Variants in ZMIZ1 observed in about 807,000 individuals in gnomAD.
ZMIZ1 encodes zinc finger MIZ-type containing 1.
A neutral mutation model predicts 113.9 loss-of-function variants in ZMIZ1; 17 were observed. The observed-to-expected ratio is 0.15, with a 90% confidence interval of 0.10 to 0.22. The LOEUF is 0.22. Ranked by LOEUF, ZMIZ1 falls within the 10% of genes least tolerant of loss-of-function variation. The pLI is 1.00. For synonymous variants in ZMIZ1, 607 were observed against 603.1 expected (o/e 1.01, Z -0.09); for missense variants, 1,059 against 1,477.8 (o/e 0.72, Z 4.65).
intron 7 of ZMIZ1, among the ~76,000 whole-genome samples, chr10:79,240,636 AT>A (rs1849783941): frequency 5.1e-5 from 4 of 78,528 alleles, no homozygotes; most frequent in Admixed American, 4.0e-4. Context: ...AAGAGTATTT[AT>A]CTTTTTTTTT....
chr10:79,181,131 C>T (rs558543924), intron 4 of ZMIZ1, among the ~76,000 whole-genome samples: 6 of 152,194 alleles, frequency 3.9e-5, no homozygotes, highest in Non-Finnish European at 5.9e-5. Flanking sequence ...TGTGGCCCTG[C>T]GTCCTGAGTC....
intron 4 of ZMIZ1, among the ~76,000 whole-genome samples, chr10:79,170,408 G>A (rs1332174859): frequency 6.6e-6 from 1 of 152,226 alleles, no homozygotes; most frequent in Non-Finnish European, 1.5e-5. Flanking sequence ...TAGCCACAGA[G>A]CATTTGGCTC....
At chr10:79,230,297 T>TCTGC (rs905264410) in intron 7 of ZMIZ1, among the ~76,000 whole-genome samples, 6 of 152,088 alleles carry the variant, frequency 3.9e-5, no homozygotes, top group African/African-American at 1.4e-4. Flanking sequence ...GCTGCTCGGC[T>TCTGC]CTGCCAGGGT....
At chr10:79,172,050 G>A (rs936414869) in intron 4 of ZMIZ1, among the ~76,000 whole-genome samples, 3 of 152,166 alleles carry the variant, frequency 2.0e-5, no homozygotes, top group Non-Finnish European at 4.4e-5. Flanking sequence ...CAGAGCAACC[G>A]AGAGCTCAGG....
intron 3 of ZMIZ1, among the ~76,000 whole-genome samples, chr10:79,154,542 C>A (rs1437049488): frequency 2.6e-5 from 4 of 152,194 alleles, no homozygotes; most frequent in Non-Finnish European, 1.5e-5. Context: ...TGCCGGGGGA[C>A]CTGGTCTGGC....
intron 3 of ZMIZ1, among the ~76,000 whole-genome samples, chr10:79,161,134 C>T (rs1425297786): frequency 1.3e-5 from 2 of 152,222 alleles, no homozygotes; most frequent in East Asian, 3.8e-4. Flanking sequence ...TGTGCCCACA[C>T]TCCCAGTGCA....
At chr10:79,205,294 C>T (rs1205587908) in intron 5 of ZMIZ1, among the ~76,000 whole-genome samples, 2 of 152,208 alleles carry the variant, frequency 1.3e-5, no homozygotes, top group Non-Finnish European at 2.9e-5. Flanking sequence ...CAAGCTCACC[C>T]CTGCCCTGCC....
chr10:79,253,212 A>G (rs958680465), intron 7 of ZMIZ1, among the ~76,000 whole-genome samples: 1 of 152,216 alleles, frequency 6.6e-6, no homozygotes, highest in African/African-American at 2.4e-5. Flanking sequence ...TGGGTTTTGC[A>G]TCTTTGTGCA....
chr10:79,159,112 G>A (rs1384132814), intron 3 of ZMIZ1, among the ~76,000 whole-genome samples: 1 of 152,236 alleles, frequency 6.6e-6, no homozygotes, highest in Non-Finnish European at 1.5e-5. Flanking sequence ...GGGAGATTGG[G>A]TGGGCTTCCA....
intron 1 of ZMIZ1, among the ~76,000 whole-genome samples, chr10:79,088,849 A>T (rs891922647): frequency 2.6e-5 from 4 of 152,178 alleles, no homozygotes; most frequent in Non-Finnish European, 5.9e-5. Flanking sequence ...CCTTGGGAAC[A>T]TCCTTCCTGC....
intron 2 of ZMIZ1, among the ~76,000 whole-genome samples, chr10:79,119,724 G>T (rs79505960): frequency 0.024 from 3,649 of 152,260 alleles, 135 homozygotes; most frequent in African/African-American, 0.075. Context: ...CAGGTGACAG[G>T]CTCCTGGTGG....
intron 7 of ZMIZ1, among the ~76,000 whole-genome samples, chr10:79,276,601 GGT>G (rs951927376): frequency 3.3e-5 from 5 of 152,086 alleles, no homozygotes; most frequent in Non-Finnish European, 7.4e-5. Flanking sequence ...GTGACCAGAA[GGT>G]GTGTGCTAGG....
intron 4 of ZMIZ1, among the ~76,000 whole-genome samples, chr10:79,180,583 C>T (rs568046415): frequency 2.0e-5 from 3 of 152,322 alleles, no homozygotes; most frequent in East Asian, 1.9e-4. Flanking sequence ...TGGGCTGCAC[C>T]CCTTCCTCCT....
intron 7 of ZMIZ1, among the ~76,000 whole-genome samples, chr10:79,261,143 C>G (rs760891340): frequency 6.6e-6 from 1 of 152,240 alleles, no homozygotes; most frequent in African/African-American, 2.4e-5. Flanking sequence ...TCCAGACCCC[C>G]AGGCTGAGCG....
At chr10:79,241,008 G>A (rs1849809276) in intron 7 of ZMIZ1, among the ~76,000 whole-genome samples, 1 of 152,272 alleles carries the variant, frequency 6.6e-6, no homozygotes, top group South Asian at 2.1e-4. Context: ...GTCTTTGGTG[G>A]CTCAGAAAGC....
chr10:79,200,425 G>A (rs74974120), intron 4 of ZMIZ1, among the ~76,000 whole-genome samples: 3,355 of 152,272 alleles, frequency 0.022, 53 homozygotes, highest in Non-Finnish European at 0.034. Context: ...TTTTCGAGCC[G>A]AAGGAGCTTC....
intron 7 of ZMIZ1, among the ~76,000 whole-genome samples, chr10:79,223,246 C>G (rs969390593): frequency 1.3e-5 from 2 of 152,254 alleles, no homozygotes; most frequent in Non-Finnish European, 2.9e-5. Flanking sequence ...GCCCAGTGAG[C>G]AGGCAGGATT....
intron 1 of ZMIZ1, among the ~76,000 whole-genome samples, chr10:79,116,041 C>T (rs1288327717): frequency 3.9e-5 from 6 of 152,108 alleles, no homozygotes; most frequent in African/African-American, 9.7e-5. Context: ...AGGAGTGGTG[C>T]ACATTTACTG....
At chr10:79,270,104 G>A (rs1021432554) in intron 7 of ZMIZ1, among the ~76,000 whole-genome samples, 1 of 152,216 alleles carries the variant, frequency 6.6e-6, no homozygotes, top group South Asian at 2.1e-4. Flanking sequence ...GCCTGTCACT[G>A]CCCCTGGGGA....
Sources: allele counts gnomAD v4.1 joint callset (sites outside exome capture counted in the v4.1 genomes callset), GRCh38; gene constraint gnomAD v4.1.1; transcripts MANE v1.5; gene names NCBI Gene and HGNC (gene_info 2026-07-23, HGNC 2026-07-21).